SSTR5: variants seen among roughly 807,000 people sequenced by gnomAD.
SSTR5 encodes somatostatin receptor 5.
SSTR5 carries 1 observed loss-of-function variant against 0.3 expected under a neutral mutation model. The observed-to-expected ratio is 2.98, with a 90% confidence interval of 1.06 to 14.15. The LOEUF (loss-of-function observed/expected upper bound fraction) is 14.15, where lower values mean the gene tolerates loss of function less well. SSTR5 is among the 30% of genes most tolerant of loss of function. The pLI, the probability that SSTR5 is intolerant of heterozygous loss-of-function variation, is 0.12. For missense variants in SSTR5, 516 were observed against 543.2 expected (o/e 0.95, Z 0.50); for synonymous variants, 256 against 263.1 (o/e 0.97, Z 0.26).
intron 1 of SSTR5, among the ~76,000 whole-genome samples, chr16:1,076,877 A>G (rs1960222765): frequency 6.6e-6 from 1 of 152,172 alleles, no homozygotes; most frequent in African/African-American, 2.4e-5. Context: ...ATATTTAAAC[A>G]TAGCCTAAGC....
rs563676673 is a variant in SSTR5, at chr16:1,079,819, G to A, written c.951G>A (p.Lys317=). ...ACAACTTCCGCCAGAGCTTCCAGAA[G>A]GTTCTGTGCCTCCGCAAGGGCTCTG... ...LSDNFRQSFQ[K]VLCLRKGSGA... The change falls in exon 2 of 2, where the codon AAG becomes AAA. Residue 317 remains lysine, a synonymous_variant. Coordinates refer to ENST00000689027, the MANE Select transcript of SSTR5 (RefSeq NM_001172560.3). 3.1e-6 allele frequency: 5 copies of A among 1,612,324 alleles called. No homozygotes were observed. Among genetic ancestry groups the A allele is most frequent in the Admixed American group, 1.7e-5 (1 of 60,018 alleles).
rs1960303437 is a variant in SSTR5, at chr16:1,079,432, C to A, written c.564C>A (p.Ala188=). ...TGCAGGAGGGCGGTACCTGCAACGC[C>A]AGCTGGCCGGAGCCCGTGGGGCTGT... The part of the protein sequence containing the change: ...ADVQEGGTCN[A]SWPEPVGLWG... The change falls in exon 2 of 2, where the codon GCC becomes GCA. Residue 188 remains alanine (A), a synonymous_variant. Transcript: ENST00000689027. 3 of 1,602,992 alleles carry A rather than the reference C, an allele frequency of 1.9e-6. No individual in the cohort carries two copies. The African/African-American group carries it at 4.0e-5, about 21-fold the overall frequency.
intron 1 of SSTR5, among the ~76,000 whole-genome samples, chr16:1,074,144 C>T (rs1008634869): frequency 1.3e-5 from 2 of 152,186 alleles, no homozygotes; most frequent in African/African-American, 2.4e-5. Flanking sequence ...CCAGGCCACC[C>T]TTACGACAGA....
chr16:1,079,580 G>C lies in SSTR5; in HGVS notation c.712G>C (p.Val238Leu). 1 of 1,611,204 alleles carries C rather than the reference G, an allele frequency of 6.2e-7. No individual in the cohort carries two copies. Among genetic ancestry groups the C allele is most frequent in the South Asian group, 1.1e-5 (1 of 90,926 alleles). ...GGCGGCGGGCGTGCGCGTGGGCTGC[G>C]TGCGGCGGCGCTCGGAGCGGAAGGT... ...VRAAGVRVGC[V>L]RRRSERKVTR... The change falls in exon 2 of 2, where the codon GTG (valine) becomes CTG (leucine). Residue 238 changes from valine (V) to leucine (L), a missense_variant. Transcript: ENST00000689027.
chr16:1,073,897 C>G (rs558116135), intron 1 of SSTR5, among the ~76,000 whole-genome samples: 1 of 152,262 alleles, frequency 6.6e-6, no homozygotes, highest in Non-Finnish European at 1.5e-5. Flanking sequence ...CCCAGCGAGG[C>G]TGTCAGGAGG....
rs1187170498 is a variant in SSTR5 at position 1,080,471 on chromosome 16, A to G, written c.*508A>G. Among the ~76,000 whole-genome samples the G allele has an allele frequency of 6.6e-6, 1 of 152,222 alleles. No homozygotes were observed. Among genetic ancestry groups the G allele is most frequent in the African/African-American group, 2.4e-5 (1 of 41,464 alleles). On this transcript the variant is annotated 3_prime_UTR_variant, in exon 2 of 2. Transcript: ENST00000689027. ...CCCCGGAGTCCCTGGCCAGGGCCCC[A>G]GCCCCTCGCTTGCCCTGCACTGTGT...
At chr16:1,074,313 C>T (rs889435745) in intron 1 of SSTR5, among the ~76,000 whole-genome samples, 7 of 152,340 alleles carry the variant, frequency 4.6e-5, no homozygotes, top group Non-Finnish European at 5.9e-5. Flanking sequence ...CTCCAGGGTG[C>T]GGCGTGGGCC....
chr16:1,073,225 G>A (rs1960124513), intron 1 of SSTR5: 2 of 152,352 alleles, frequency 1.3e-5, no homozygotes, highest in Non-Finnish European at 2.9e-5. Flanking sequence ...TGGAGCTGGA[G>A]GAGGGTGGGT....
Position 1,078,987 on chromosome 16 carries a change from C to A in SSTR5, c.119C>A (p.Ala40Glu), listed in dbSNP as rs752514090. ...CCGGCGCCCTCGGCAGGGGCCCGGGCGGTGCTGGTGCCCGTGCTGTACCTG... is the reference window on the plus strand; with the variant it reads ...CCGGCGCCCTCGGCAGGGGCCCGGGAGGTGCTGGTGCCCGTGCTGTACCTG... ...VGPAPSAGAR[A>E]VLVPVLYLLV... is the part of the protein sequence containing the mutation. Residue 40 changes from alanine (A) to glutamate (E), a missense_variant, in exon 2 of 2, where the codon GCG becomes GAG. Coordinates refer to ENST00000689027, the MANE Select transcript of SSTR5 (RefSeq NM_001172560.3). 3.8e-6 allele frequency: 6 copies of A among 1,590,620 alleles called. No homozygotes were observed. The highest frequency in any genetic ancestry group is 2.3e-5 in the East Asian group (1 of 43,206).
chr16:1,077,140 C>A (rs1425038334), intron 1 of SSTR5, among the ~76,000 whole-genome samples: 1 of 152,216 alleles, frequency 6.6e-6, no homozygotes, highest in Non-Finnish European at 1.5e-5. Flanking sequence ...CAGCCCCCAG[C>A]CAGGACTGTG....
rs372977510 is a variant in SSTR5, at chr16:1,081,271, C to T, written c.*1308C>T. 2.1e-5 allele frequency: 8 copies of T among 375,244 alleles called. No individual in the cohort carries two copies. Among genetic ancestry groups the T allele is most frequent in the South Asian group, 4.0e-5 (2 of 49,750 alleles). 23.2% of individuals were successfully genotyped at this position (375,244 alleles called of 1,614,324 possible). ...GCCCTGCCCAGCACTGGCCCCGACC[C>T]GTGCTCCCGCCGTCTGCCCAGAGCA... On this transcript the variant is annotated 3_prime_UTR_variant, in exon 2 of 2. Transcript: ENST00000689027.
Position 1,072,807 on chromosome 16 carries a change from G to A in SSTR5, c.-43G>A, listed in dbSNP as rs948572959. Among the ~76,000 whole-genome samples the A allele has an allele frequency of 6.7e-6, 1 of 149,956 alleles. No individual in the cohort carries two copies. The highest frequency in any genetic ancestry group is 2.0e-4 in the East Asian group (1 of 5,032). On this transcript the variant is annotated 5_prime_UTR_variant, in exon 1 of 2. Coordinates refer to ENST00000689027, the MANE Select transcript of SSTR5 (RefSeq NM_001172560.3). Reference sequence around the variant, plus strand: ...GGACATCGGGGCTCCCCCGTTCAGAGGGCGCCGCCGCCCAGGTGAGTGCCG... The same window carrying A: ...GGACATCGGGGCTCCCCCGTTCAGAAGGCGCCGCCGCCCAGGTGAGTGCCG...
At position 1,079,286 on chromosome 16, in the gene SSTR5, G is replaced by T. The variant is rs1252295451; in HGVS notation, c.418G>T (p.Ala140Ser). The change falls in exon 2 of 2, where the codon GCA (alanine) becomes TCA (serine). Residue 140 changes from alanine (A) to serine (S), a missense_variant. Physicochemically the swap from Ala to Ser is moderately conservative, Grantham distance 99 (BLOSUM62 1). Coordinates refer to ENST00000689027, the MANE Select transcript of SSTR5 (RefSeq NM_001172560.3). ...LTVMSVDRYL[A>S]VVHPLSSARW... ...AGTCATGAGCGTGGACCGCTACCTG[G>T]CAGTGGTGCACCCGCTGAGCTCGGC... 1 of 1,611,696 alleles carries T rather than the reference G, an allele frequency of 6.2e-7. No homozygotes were observed.
chr16:1,075,513 G>A (rs1716171874), intron 1 of SSTR5, among the ~76,000 whole-genome samples: 1 of 152,120 alleles, frequency 6.6e-6, no homozygotes, highest in Non-Finnish European at 1.5e-5. Flanking sequence ...CACACGTGCT[G>A]GGGACCCAGG....
rs147919076 is a variant in SSTR5, at chr16:1,079,599, G to T, written c.731G>T (p.Arg244Leu). The T allele has an allele frequency of 1.9e-6, 3 of 1,611,398 alleles. No individual in the cohort carries two copies. The highest frequency in any genetic ancestry group is 2.5e-6 in the Non-Finnish European group (3 of 1,178,962). Residue 244 changes from arginine to leucine, a missense_variant, in exon 2 of 2, where the codon CGG (arginine) becomes CTG (leucine). Arg to Leu is a moderately radical substitution (Grantham distance 102). Transcript: ENST00000689027. ...GGCTGCGTGCGGCGGCGCTCGGAGC[G>T]GAAGGTGACGCGCATGGTGTTGGTG... ...RVGCVRRRSERKVTRMVLVVV... is the reference protein window; with the variant it reads ...RVGCVRRRSELKVTRMVLVVV...
In SSTR5 at chr16:1,080,671, G is replaced by A. The variant is rs1960353736; in HGVS notation, c.*708G>A. 1.3e-5 allele frequency among the ~76,000 whole-genome samples: 2 copies of A among 152,210 alleles called. No individual in the cohort carries two copies. The highest frequency in any genetic ancestry group is 4.8e-5 in the African/African-American group (2 of 41,458). ...GGGGCTTGGGCGCTGGCCTAGCCAG[G>A]GGCGAGGTGGGGAGGCGGCTGGTGC... On this transcript the variant is annotated 3_prime_UTR_variant, in exon 2 of 2. Transcript: ENST00000689027.
At position 1,078,938 on chromosome 16, in the gene SSTR5, G is replaced by C. The variant is rs752704794; in HGVS notation, c.70G>C (p.Gly24Arg). The C allele has an allele frequency of 1.9e-6, 3 of 1,599,518 alleles. No individual in the cohort carries two copies. The highest frequency in any genetic ancestry group is 2.6e-6 in the Non-Finnish European group (3 of 1,175,182). ...CTCCCCGGGGGCTGCCTCTGGAGGCGGTGACAACAGGACGCTGGTGGGGCC... is the reference window on the plus strand; with the variant it reads ...CTCCCCGGGGGCTGCCTCTGGAGGCCGTGACAACAGGACGCTGGTGGGGCC... ...ASSPGAASGG[G>R]DNRTLVGPAP... The change falls in exon 2 of 2, where the codon GGT becomes CGT. Residue 24 changes from glycine to arginine, a missense_variant. By Grantham distance (125) the Gly-to-Arg change is moderately radical. Coordinates refer to ENST00000689027, the MANE Select transcript of SSTR5 (RefSeq NM_001172560.3).
chr16:1,077,240 C>T (rs568303884), intron 1 of SSTR5, among the ~76,000 whole-genome samples: 123 of 152,282 alleles, frequency 8.1e-4, no homozygotes, highest in African/African-American at 2.9e-3. Context: ...GGGCTCCAGA[C>T]GGCACATGCT....
At position 1,079,441 on chromosome 16, in the gene SSTR5, G is replaced by A. The variant is rs34608001; in HGVS notation, c.573G>A (p.Pro191=). The change falls in exon 2 of 2, where the codon CCG becomes CCA. Residue 191 remains proline, a synonymous_variant. Coordinates refer to ENST00000689027, the MANE Select transcript of SSTR5 (RefSeq NM_001172560.3). ...GCGGTACCTGCAACGCCAGCTGGCC[G>A]GAGCCCGTGGGGCTGTGGGGCGCCG... ...QEGGTCNASW[P]EPVGLWGAVF... is the part of the protein sequence containing the mutation. 0.02 allele frequency: 32,702 copies of A among 1,604,284 alleles called. 394 individuals are homozygous for A. The highest frequency in any genetic ancestry group is 0.038 in the Middle Eastern group (226 of 6,024).
Sources: allele counts gnomAD v4.1 joint callset (sites outside exome capture counted in the v4.1 genomes callset), GRCh38; gene constraint gnomAD v4.1.1; transcripts MANE v1.5; gene names NCBI Gene and HGNC (gene_info 2026-07-23, HGNC 2026-07-21).